FAM120B: variants seen among roughly 807,000 people sequenced by gnomAD.
The protein encoded by FAM120B is family with sequence similarity 120 member B, also known as constitutive coactivator of peroxisome proliferator-activated receptor gamma.
Under a neutral mutation model 96.3 loss-of-function variants are expected in FAM120B, and 83 were observed. The observed-to-expected ratio is 0.86, with a 90% CI of 0.72 to 1.03. FAM120B has a LOEUF of 1.03. Ranked by LOEUF, FAM120B falls within the 50% of genes least tolerant of loss-of-function variation. FAM120B has a pLI of 0.00. For synonymous variants in FAM120B, 407 were observed against 402.7 expected (o/e 1.01, Z -0.13); for missense variants, 1,027 against 1,121.2 (o/e 0.92, Z 1.20).
intron 4 of FAM120B, among the ~76,000 whole-genome samples, chr6:170,341,202 A>C (rs76800944): frequency 3.9e-4 from 59 of 152,284 alleles, no homozygotes; most frequent in African/African-American, 1.4e-3. Context: ...TGCCCTACCC[A>C]GTGAGGAGGA....
intron 9 of FAM120B, among the ~76,000 whole-genome samples, chr6:170,403,481 A>G (rs1436979699): frequency 1.3e-5 from 2 of 152,212 alleles, no homozygotes; most frequent in African/African-American, 2.4e-5. Context: ...ATGCCTCTTC[A>G]TGAAAGTATT....
intron 8 of FAM120B, 76 bp downstream of exon 8, chr6:170,391,197 G>A: frequency 1.0e-6 from 1 of 968,298 alleles, no homozygotes; most frequent in South Asian, 1.4e-5. Flanking sequence ...GTTGATAAAT[G>A]AATTCTAAGA....
chr6:170,387,655 G>T (rs1790262150), intron 6 of FAM120B, among the ~76,000 whole-genome samples: 1 of 152,140 alleles, frequency 6.6e-6, no homozygotes, highest in Non-Finnish European at 1.5e-5. Flanking sequence ...TATTGGTATG[G>T]TCTTAATTTG....
chr6:170,315,946 G>A lies in FAM120B; in HGVS notation c.-21-1424G>A, dbSNP rs79057207. On this transcript the variant is annotated intron_variant, in intron 1 of 10. Coordinates refer to ENST00000476287, the MANE Select transcript of FAM120B (RefSeq NM_032448.3). The stretch of plus-strand genomic sequence containing the variant: ...CACTGGAAAAAAAAAAAAAGGCCAG[G>A]TGTGGTGGCAGCTAAGACAAGAGGA... Among the ~76,000 whole-genome samples the A allele has an allele frequency of 0.042, 6,333 of 149,922 alleles. 1,010 individuals are homozygous for A. The East Asian group carries it at 0.57, about 13-fold the overall frequency.
At position 170,323,123 on chromosome 6, in the gene FAM120B, C is replaced by G; in HGVS notation, c.1779C>G (p.Tyr593Ter). 1 of 1,613,930 alleles carries G rather than the reference C, an allele frequency of 6.2e-7. No homozygotes were observed. The highest frequency in any genetic ancestry group is 8.5e-7 in the Non-Finnish European group (1 of 1,179,948). Residue 593 changes from tyrosine (Y) to a stop codon, truncating the protein, a stop_gained, in exon 3 of 11, where the codon TAC becomes TAG. Coordinates refer to ENST00000476287, the MANE Select transcript of FAM120B (RefSeq NM_032448.3). LOFTEE classifies it high-confidence loss of function. ...TCCAAGCAGAAAGCTACCTGGTGTA[C>G]AACATCATGAGCAGTGGAGAGATTG... ...HHVQAESYLV[Y>*]NIMSSGEIEC...
At chr6:170,392,480 A>C (rs1790529218) in intron 8 of FAM120B, among the ~76,000 whole-genome samples, 1 of 152,240 alleles carries the variant, frequency 6.6e-6, no homozygotes, top group South Asian at 2.1e-4. Context: ...TGGTAGATGA[A>C]AAATCTATCT....
chr6:170,317,939 A>T lies in FAM120B; in HGVS notation c.549A>T (p.Leu183=). The T allele has an allele frequency of 1.2e-6, 2 of 1,614,152 alleles. No individual in the cohort carries two copies. Residue 183 remains leucine, a synonymous_variant, in exon 2 of 11, where the codon CTA becomes CTT. Coordinates refer to ENST00000476287, the MANE Select transcript of FAM120B (RefSeq NM_032448.3). ...LGILGEDTDY[L]IYDTCPYFSI... is the part of the protein sequence containing the mutation. The stretch of plus-strand genomic sequence containing the variant: ...TTCTGGGGGAAGACACTGATTACCT[A>T]ATCTATGACACTTGTCCCTACTTTT...
chr6:170,347,432 G>C (rs1356777133), intron 4 of FAM120B, among the ~76,000 whole-genome samples: 1 of 152,164 alleles, frequency 6.6e-6, no homozygotes, highest in African/African-American at 2.4e-5. Flanking sequence ...ATCATTTGTC[G>C]TGGTTTCAGT....
intron 1 of FAM120B, chr6:170,297,773 C>T (rs940677282): frequency 6.6e-6 from 1 of 152,132 alleles, no homozygotes; most frequent in Non-Finnish European, 1.5e-5. Context: ...AGTGTGGCTC[C>T]CCAAATGTTG....
chr6:170,390,150 G>A (rs1790407672), intron 7 of FAM120B, among the ~76,000 whole-genome samples: 3 of 152,320 alleles, frequency 2.0e-5, no homozygotes, highest in Admixed American at 2.0e-4. Flanking sequence ...GGTCTGTCAC[G>A]ATAAAGCACT....
chr6:170,302,737 T>C (rs977216594), upstream of FAM120B, among the ~76,000 whole-genome samples: 1 of 152,230 alleles, frequency 6.6e-6, no homozygotes, highest in Non-Finnish European at 1.5e-5. Flanking sequence ...CTCCATCCTA[T>C]TTATAGATTT....
chr6:170,368,824 G>GGT (rs1554287935), intron 6 of FAM120B, among the ~76,000 whole-genome samples: 10 of 112,700 alleles, frequency 8.9e-5, no homozygotes, highest in Non-Finnish European at 1.8e-4. Context: ...CGGGGCTGGG[G>GGT]GGGGGGCTCC....
intron 4 of FAM120B, among the ~76,000 whole-genome samples, chr6:170,341,309 G>A (rs552742452): frequency 5.3e-5 from 8 of 152,256 alleles, no homozygotes; most frequent in Non-Finnish European, 1.0e-4. Context: ...TGGGAAAACC[G>A]CCTACCAATC....
chr6:170,400,458 G>A (rs928544017), intron 9 of FAM120B, among the ~76,000 whole-genome samples: 29 of 152,100 alleles, frequency 1.9e-4, no homozygotes, highest in African/African-American at 2.4e-5. Context: ...TTCTTCCAGA[G>A]GCGGCCTGCT....
At chr6:170,298,661 T>C (rs980386068) in intron 1 of FAM120B, among the ~76,000 whole-genome samples, 8 of 152,196 alleles carry the variant, frequency 5.3e-5, no homozygotes, top group African/African-American at 1.9e-4. Context: ...TTGGTGAGTC[T>C]GAATTTTTTT....
chr6:170,328,617 C>A (rs1368480394), intron 3 of FAM120B, among the ~76,000 whole-genome samples: 1 of 152,092 alleles, frequency 6.6e-6, no homozygotes, highest in African/African-American at 2.4e-5. Flanking sequence ...CACTCCTGCC[C>A]CCTTCATGGG....
chr6:170,309,552 T>C (rs1784474775), intron 1 of FAM120B, among the ~76,000 whole-genome samples: 1 of 152,226 alleles, frequency 6.6e-6, no homozygotes, highest in African/African-American at 2.4e-5. Flanking sequence ...ATTATATCTT[T>C]TGGTGTTTCC....
rs1371608128 is a variant in FAM120B at position 170,319,068 on chromosome 6, G to A, written c.1678G>A (p.Val560Met). The change falls in exon 2 of 11, where the codon GTG becomes ATG. Residue 560 changes from valine to methionine, a missense_variant. By Grantham distance (21) the Val-to-Met change is conservative. Coordinates refer to ENST00000476287, the MANE Select transcript of FAM120B (RefSeq NM_032448.3). ...PEIKQEDPTNVGPEVKQQVTM... is the reference protein window; with the variant it reads ...PEIKQEDPTNMGPEVKQQVTM... ...AATTAAACAAGAAGACCCCACAAAT[G>A]TGGGGCCTGAAGTAAAGCAACAAGT... is the stretch of plus-strand genomic sequence containing the variant. 1.3e-6 allele frequency: 2 copies of A among 1,596,332 alleles called. No homozygotes were observed. Among genetic ancestry groups the A allele is most frequent in the Admixed American group, 1.7e-5 (1 of 57,418 alleles).
At chr6:170,398,346 G>A (rs1038528613) in intron 9 of FAM120B, among the ~76,000 whole-genome samples, 1 of 152,250 alleles carries the variant, frequency 6.6e-6, no homozygotes, top group African/African-American at 2.4e-5. Flanking sequence ...ATAACTCTTA[G>A]GAGTGAGTGG....
Sources: allele counts gnomAD v4.1 joint callset (sites outside exome capture counted in the v4.1 genomes callset), GRCh38; gene constraint gnomAD v4.1.1; transcripts MANE v1.5; gene names NCBI Gene and HGNC (gene_info 2026-07-23, HGNC 2026-07-21).